NR3C2: variants seen among roughly 807,000 people sequenced by gnomAD.
NR3C2 encodes the protein mineralocorticoid receptor.
Under a neutral mutation model 86.4 loss-of-function variants are expected in NR3C2, and 15 were observed. The ratio of observed to expected loss-of-function variants is 0.17; its 90% CI spans 0.12 to 0.27. The LOEUF is 0.27. NR3C2 is among the 10% of genes least tolerant of loss of function. NR3C2 has a pLI of 1.00. For missense variants in NR3C2, 960 were observed against 1,195.6 expected (o/e 0.80, Z 2.91); for synonymous variants, 458 against 450.5 (o/e 1.02, Z -0.21).
chr4:148,248,444 T>C (rs749395637), intron 3 of NR3C2, among the ~76,000 whole-genome samples: 95 of 152,166 alleles, frequency 6.2e-4, no homozygotes, highest in Non-Finnish European at 3.7e-4. Context: ...GGTAAGAGAA[T>C]GCAATATGTT....
chr4:148,237,313 A>G (rs1016685391), intron 3 of NR3C2, among the ~76,000 whole-genome samples: 1 of 152,174 alleles, frequency 6.6e-6, no homozygotes, highest in Admixed American at 6.5e-5. Context: ...GAGTAACTTA[A>G]ATTAGAAATC....
chr4:148,336,182 G>A (rs1194953835), intron 2 of NR3C2, among the ~76,000 whole-genome samples: 10 of 152,226 alleles, frequency 6.6e-5, no homozygotes, highest in South Asian at 2.1e-4. Context: ...GTGTTCCTAC[G>A]GGTGGCAAGG....
intron 2 of NR3C2, among the ~76,000 whole-genome samples, chr4:148,380,204 A>G (rs1204570920): frequency 6.6e-6 from 1 of 152,236 alleles, no homozygotes; most frequent in African/African-American, 2.4e-5. Flanking sequence ...CATAAATGGA[A>G]TCAGACACTA....
intron 2 of NR3C2, among the ~76,000 whole-genome samples, chr4:148,318,211 T>A (rs1346196852): frequency 6.6e-6 from 1 of 151,490 alleles, no homozygotes; most frequent in African/African-American, 2.4e-5. Context: ...GAACTCATCA[T>A]TTTTTATGGC....
chr4:148,238,649 C>T (rs377496284), intron 3 of NR3C2, among the ~76,000 whole-genome samples: 22 of 152,234 alleles, frequency 1.4e-4, no homozygotes, highest in Middle Eastern at 3.4e-3. Context: ...CAGCATCTAC[C>T]TATGACTTTG....
Position 148,404,002 on chromosome 4 carries a change from C to G in NR3C2, c.1757+31102G>C, listed in dbSNP as rs147947372. ...TTTTTGATAGGTATTATCCCCATTT[C>G]TTGGATAAGGAATCTAACATGTCAT... On this transcript the variant is annotated intron_variant, in intron 2 of 8. Transcript: ENST00000358102. Among the ~76,000 whole-genome samples, 47 of 152,170 alleles carry G rather than the reference C, an allele frequency of 3.1e-4. No individual in the cohort carries two copies. In the East Asian group the frequency reaches 8.9e-3, roughly 29 times the overall value.
At chr4:148,313,710 A>G (rs1033941913) in intron 2 of NR3C2, among the ~76,000 whole-genome samples, 7 of 152,148 alleles carry the variant, frequency 4.6e-5, no homozygotes, top group African/African-American at 1.7e-4. Context: ...TCATTTTATA[A>G]ACTTTATTTG....
At chr4:148,415,515 G>T (rs1000420168) in intron 2 of NR3C2, among the ~76,000 whole-genome samples, 4 of 152,054 alleles carry the variant, frequency 2.6e-5, no homozygotes, top group Admixed American at 2.0e-4. Context: ...ACAACAAATG[G>T]CCCCATAACT....
intron 4 of NR3C2, among the ~76,000 whole-genome samples, chr4:148,175,731 GAAAC>G (rs1217589082): frequency 1.3e-5 from 2 of 152,054 alleles, no homozygotes; most frequent in African/African-American, 4.8e-5. Flanking sequence ...AAATAAAGAT[GAAAC>G]AGTTTGAATT....
chr4:148,103,790 C>G (rs577732824), intron 8 of NR3C2, among the ~76,000 whole-genome samples: 1 of 152,276 alleles, frequency 6.6e-6, no homozygotes, highest in East Asian at 1.9e-4. Context: ...CTTTCTACCT[C>G]TACGCGGAGT....
intron 2 of NR3C2, among the ~76,000 whole-genome samples, chr4:148,318,648 G>C (rs1056255430): frequency 6.6e-6 from 1 of 152,166 alleles, no homozygotes; most frequent in Non-Finnish European, 1.5e-5. Flanking sequence ...ATTTTTTCAT[G>C]TGTTTTTTGG....
At chr4:148,274,487 T>C (rs560048990) in intron 2 of NR3C2, among the ~76,000 whole-genome samples, 2 of 152,032 alleles carry the variant, frequency 1.3e-5, no homozygotes, top group South Asian at 4.1e-4. Context: ...GTTCTGATGG[T>C]GAGTTCTCAT....
intron 6 of NR3C2, among the ~76,000 whole-genome samples, chr4:148,136,064 A>AAAC (rs1553988811): frequency 8.5e-5 from 5 of 58,904 alleles, no homozygotes; most frequent in East Asian, 1.7e-3. Flanking sequence ...CTCAAAAAAA[A>AAAC]AAAAAAAAAA....
chr4:148,096,150 T>C (rs1731266603), intron 8 of NR3C2, among the ~76,000 whole-genome samples: 1 of 152,068 alleles, frequency 6.6e-6, no homozygotes, highest in African/African-American at 2.4e-5. Context: ...CTATTGTACA[T>C]GTGAAAAACA....
chr4:148,386,823 T>C (rs902826191), intron 2 of NR3C2, among the ~76,000 whole-genome samples: 1 of 152,184 alleles, frequency 6.6e-6, no homozygotes, highest in Non-Finnish European at 1.5e-5. Context: ...TTTGTCTTGC[T>C]CTTAAATCAG....
At chr4:148,329,332 AT>A (rs1744112463) in intron 2 of NR3C2, among the ~76,000 whole-genome samples, 1 of 27,424 alleles carries the variant, frequency 3.6e-5, no homozygotes, top group Non-Finnish European at 7.4e-5. Flanking sequence ...GTATATACAC[AT>A]GCATATATAT....
intron 2 of NR3C2, among the ~76,000 whole-genome samples, chr4:148,417,996 A>G (rs1485501211): frequency 6.6e-6 from 1 of 152,180 alleles, no homozygotes; most frequent in Non-Finnish European, 1.5e-5. Context: ...AACACTAGAC[A>G]ACAGGGCATG....
intron 2 of NR3C2, among the ~76,000 whole-genome samples, chr4:148,278,563 ACGTGCGTGCGCGCGCACACACAC>A (rs1370906297): frequency 6.6e-6 from 1 of 152,042 alleles, no homozygotes; most frequent in East Asian, 1.9e-4. Context: ...AAATAAATAC[ACGTGCGTGCGCGCGCACACACAC>A]ACCCACACCC....
At chr4:148,254,812 T>C (rs1739746246) in intron 3 of NR3C2, among the ~76,000 whole-genome samples, 1 of 152,180 alleles carries the variant, frequency 6.6e-6, no homozygotes, top group Non-Finnish European at 1.5e-5. Flanking sequence ...ATTGTGGTTG[T>C]GACAATAGGC....
Sources: gnomAD v4.1 joint callset for allele counts (sites outside exome capture counted in the v4.1 genomes callset) on GRCh38, gnomAD v4.1.1 for gene constraint, MANE v1.5 for transcripts, NCBI Gene and HGNC (gene_info 2026-07-23, HGNC 2026-07-21) for gene names.